ANKRD36: variants seen among roughly 807,000 people sequenced by gnomAD.
ANKRD36 encodes ankyrin repeat domain-containing protein 36A.
ANKRD36 carries 179 observed loss-of-function variants against 278.1 expected under a neutral mutation model. That is an observed-to-expected ratio of 0.64 (90% CI 0.57 to 0.73). The LOEUF is 0.73. Among genes scored for constraint, ANKRD36 ranks in the 30% least tolerant of loss-of-function variants. The pLI is 0.00. For synonymous variants in ANKRD36, 320 were observed against 641.1 expected (o/e 0.50, Z 7.57); for missense variants, 1,159 against 1,956.7 (o/e 0.59, Z 7.69).
Position 97,191,483 on chromosome 2 carries a change from T to A in ANKRD36, c.2347+302T>A, listed in dbSNP as rs1327949313. Among the ~76,000 whole-genome samples, 2 of 151,514 alleles carry A rather than the reference T, an allele frequency of 1.3e-5. 1 individual carries two copies. The highest frequency in any genetic ancestry group is 2.9e-5 in the Non-Finnish European group (2 of 67,856). ...TGCTTTAACTCTACAGCGTTTTCAG[T>A]AAGGGTGGAAGGAGAAAGAGAGGAA... On this transcript the variant is annotated intron_variant, in intron 36 of 75. Coordinates refer to ENST00000420699, the MANE Select transcript of ANKRD36 (RefSeq NM_001354587.1).
intron 62 of ANKRD36, chr2:97,216,789 T>C (rs1209268073): frequency 6.5e-6 from 3 of 460,574 alleles, no homozygotes; most frequent in South Asian, 2.2e-5. Context: ...GTAAATCCTT[T>C]TGATTTCTTG....
rs2062776884 is a variant in ANKRD36 at position 97,206,090 on chromosome 2, T to TCA, written c.3118_3119insCA (p.Leu1040SerfsTer2). ...TACAAGTGATGAGGAAGATTCTGTT[T>TCA]TGAGTATAGCCAGAGAAAACAAGGA... On this transcript the variant is annotated frameshift_variant, in exon 52 of 76. Coordinates refer to ENST00000420699, the MANE Select transcript of ANKRD36 (RefSeq NM_001354587.1). LOFTEE classifies it high-confidence loss of function. 7.1e-6 allele frequency: 11 copies of TCA among 1,550,260 alleles called. No homozygotes were observed. Among genetic ancestry groups the TCA allele is most frequent in the Non-Finnish European group, 9.6e-6 (11 of 1,149,400 alleles).
At chr2:97,199,080 C>T (rs1477823376) in intron 44 of ANKRD36, among the ~76,000 whole-genome samples, 6 of 151,798 alleles carry the variant, frequency 4.0e-5, no homozygotes, top group Admixed American at 3.9e-4. Context: ...CTAAGGAGAC[C>T]CCTGGTGTAG....
intron 66 of ANKRD36, among the ~76,000 whole-genome samples, chr2:97,220,219 G>A (rs1420894450): frequency 6.7e-6 from 1 of 149,312 alleles, no homozygotes; most frequent in Non-Finnish European, 1.5e-5. Flanking sequence ...ATCACCTCAA[G>A]CATTAACCAT....
intron 36 of ANKRD36, 136 bp from the exon 37 acceptor site, chr2:97,192,722 A>T: frequency 7.9e-7 from 1 of 1,261,206 alleles, no homozygotes; most frequent in African/African-American, 1.5e-5. Flanking sequence ...TCTAGTCCCC[A>T]GACTAAAAGT....
intron 3 of ANKRD36, among the ~76,000 whole-genome samples, chr2:97,120,492 A>G (rs1257886650): frequency 6.8e-6 from 1 of 147,332 alleles, no homozygotes; most frequent in Non-Finnish European, 1.5e-5. Context: ...GTTACAATAT[A>G]GAAACTAGAA....
intron 4 of ANKRD36, among the ~76,000 whole-genome samples, chr2:97,124,185 G>A (rs2037876493): frequency 6.6e-6 from 1 of 151,678 alleles, no homozygotes; most frequent in Non-Finnish European, 1.5e-5. Flanking sequence ...TAGATAGGTG[G>A]CCTGAGCATA....
rs528406885 is a variant in ANKRD36, at chr2:97,118,988, C to G, written c.486+471C>G. Among the ~76,000 whole-genome samples the G allele has an allele frequency of 6.8e-5, 5 of 74,020 alleles. 2 individuals carry two copies. In the East Asian group the frequency reaches 1.3e-3, roughly 20 times the overall value. 48.6% of individuals were successfully genotyped at this position (74,020 alleles called of 152,430 possible). On this transcript the variant is annotated intron_variant, in intron 3 of 75. Coordinates refer to ENST00000420699, the MANE Select transcript of ANKRD36 (RefSeq NM_001354587.1). ...AGGTGATTTCATTTGAAAGTGATTC[C>G]TCTGTGGAAAGGCTTAAGAGGGAAA...
chr2:97,196,823 T>A (rs1190432008), intron 42 of ANKRD36, 35 bp downstream of exon 42: 1 of 1,543,094 alleles, frequency 6.5e-7, no homozygotes, highest in Non-Finnish European at 8.7e-7. Context: ...TCATGTTCAG[T>A]CCAGATAGAT....
intron 56 of ANKRD36, among the ~76,000 whole-genome samples, chr2:97,210,676 C>T (rs1459549604): frequency 3.3e-5 from 5 of 151,934 alleles, no homozygotes; most frequent in East Asian, 3.9e-4. Flanking sequence ...TAGAGAATAA[C>T]GTGATACTCC....
chr2:97,215,535 A>G (rs1270394819), intron 62 of ANKRD36, 38 bp downstream of exon 62: 2 of 1,594,702 alleles, frequency 1.3e-6, no homozygotes, highest in Admixed American at 1.8e-5. Context: ...TGTTCGATCA[A>G]ATAGAAGAGA....
Position 97,188,883 on chromosome 2 carries a change from T to G in ANKRD36, c.2144-204T>G, listed in dbSNP as rs1177916074. 2.2e-5 allele frequency among the ~76,000 whole-genome samples: 2 copies of G among 89,712 alleles called. 1 individual carries two copies. The highest frequency in any genetic ancestry group is 7.9e-5 in the Non-Finnish European group (2 of 25,444). 58.9% of individuals were successfully genotyped at this position (89,712 alleles called of 152,430 possible). On this transcript the variant is annotated intron_variant, in intron 32 of 75. Coordinates refer to ENST00000420699, the MANE Select transcript of ANKRD36 (RefSeq NM_001354587.1). ...TGACGAATCATACCATGTTTGAAAT[T>G]GTAAGGATATATTTCATGGAGCCTG...
chr2:97,146,405 G>A (rs1388552431), intron 10 of ANKRD36, 81 bp from the exon 11 acceptor site: 2 of 1,189,836 alleles, frequency 1.7e-6, no homozygotes, highest in African/African-American at 3.1e-5. Flanking sequence ...ATAGGAACAA[G>A]TCACTGTGCT....
rs896574354 is a variant in ANKRD36, at chr2:97,158,093, A to G, written c.1261-14A>G. 13 of 1,442,758 alleles carry G rather than the reference A, an allele frequency of 9.0e-6. No individual in the cohort carries two copies. The highest frequency in any genetic ancestry group is 1.4e-5 in the African/African-American group (1 of 70,826). The allele number at this position is 1,442,758 out of a possible 1,614,324, so 89.4% of individuals were successfully genotyped here. A position where few individuals can be genotyped will look rare whatever the true frequency, so the allele number is the denominator to read the frequency against. On this transcript the variant is annotated splice_polypyrimidine_tract_variant and intron_variant, in intron 15 of 75. Coordinates refer to ENST00000420699, the MANE Select transcript of ANKRD36 (RefSeq NM_001354587.1). ...CTTGCTGCATGTTATTCTTAAACCTATTGTGTCTTCTAGAATATTTCAGAA... is the reference window on the plus strand; with the variant it reads ...CTTGCTGCATGTTATTCTTAAACCTGTTGTGTCTTCTAGAATATTTCAGAA...
chr2:97,164,215 C>T (rs2050007968), intron 18 of ANKRD36, 68 bp from the exon 19 acceptor site: 1 of 1,487,674 alleles, frequency 6.7e-7, no homozygotes, highest in Non-Finnish European at 8.9e-7. Flanking sequence ...GATACAAACA[C>T]TGCATGATTG....
At chr2:97,196,202 CT>C (rs1317653863) in intron 40 of ANKRD36, among the ~76,000 whole-genome samples, 2 of 152,080 alleles carry the variant, frequency 1.3e-5, no homozygotes, top group Admixed American at 6.6e-5. Flanking sequence ...GGTGTAAATC[CT>C]TTTGATTTGT....
chr2:97,211,369 A>G (rs2064526005), intron 56 of ANKRD36, among the ~76,000 whole-genome samples, 177 bp from the exon 57 acceptor site: 1 of 151,872 alleles, frequency 6.6e-6, no homozygotes, highest in Non-Finnish European at 1.5e-5. Context: ...TGGAGCCTGT[A>G]TTCCCTTTTT....
At chr2:97,205,997 C>G in intron 51 of ANKRD36, 29 bp downstream of exon 51, 2 of 1,548,396 alleles carry the variant, frequency 1.3e-6, no homozygotes, top group Non-Finnish European at 1.7e-6. Flanking sequence ...ATATTGTGAA[C>G]GAGTTAATAT....
At chr2:97,221,829 T>C (rs2067798916) in intron 66 of ANKRD36, among the ~76,000 whole-genome samples, 2 of 147,094 alleles carry the variant, frequency 1.4e-5, no homozygotes, top group African/African-American at 2.5e-5. Context: ...TTGCTTTTGG[T>C]GTTTTGGACA....
Sources: gnomAD v4.1 joint callset for allele counts (sites outside exome capture counted in the v4.1 genomes callset) on GRCh38, gnomAD v4.1.1 for gene constraint, MANE v1.5 for transcripts, NCBI Gene and HGNC (gene_info 2026-07-23, HGNC 2026-07-21) for gene names.